ALDH1A1: variants seen among roughly 807,000 people sequenced by gnomAD.
The protein encoded by ALDH1A1 is aldehyde dehydrogenase 1 family member A1, also known as aldehyde dehydrogenase 1A1.
In ALDH1A1, 19 loss-of-function variants were observed where a neutral mutation model predicts 62.1. The observed-to-expected ratio is 0.31, with a 90% CI of 0.21 to 0.45. The LOEUF (loss-of-function observed/expected upper bound fraction) is 0.45. ALDH1A1 is among the 20% of genes least tolerant of loss of function. The pLI, the probability that ALDH1A1 is intolerant of heterozygous loss-of-function variation, is 1.00. For synonymous variants in ALDH1A1, 231 were observed against 215.9 expected, an observed-to-expected ratio of 1.07 and a Z score of -0.61; for missense variants, 521 against 607.1, an observed-to-expected ratio of 0.86 and a Z score of 1.49.
intron 2 of ALDH1A1, among the ~76,000 whole-genome samples, chr9:72,931,618 T>C (rs566620931): frequency 1.3e-5 from 2 of 152,330 alleles, no homozygotes; most frequent in East Asian, 3.9e-4. Context: ...TCCACTTTCA[T>C]GAAGAGCCTA....
At chr9:72,923,887 C>T (rs1226986264) in intron 7 of ALDH1A1, 132 bp downstream of exon 7, 9 of 584,758 alleles carry the variant, frequency 1.5e-5, no homozygotes, top group Non-Finnish European at 2.6e-5. Context: ...TGTTTGAAGG[C>T]TAAAATAAGT....
intron 11 of ALDH1A1, among the ~76,000 whole-genome samples, chr9:72,907,678 G>A (rs149179745): frequency 8.2e-4 from 125 of 152,308 alleles, no homozygotes; most frequent in African/African-American, 2.7e-3. Flanking sequence ...TCTTCTGCAA[G>A]CGTTTCCTCA....
chr9:72,944,913 C>G (rs576339379), intron 1 of ALDH1A1, among the ~76,000 whole-genome samples: 11 of 152,080 alleles, frequency 7.2e-5, no homozygotes, highest in Non-Finnish European at 8.8e-5. Context: ...CAAGTACTTT[C>G]TATATGGGGA....
chr9:72,910,512 C>T (rs376011765), intron 10 of ALDH1A1, among the ~76,000 whole-genome samples: 144 of 152,242 alleles, frequency 9.5e-4, no homozygotes, highest in Middle Eastern at 6.8e-3. Context: ...CTTATTCTAA[C>T]GTAAAGTACT....
intron 4 of ALDH1A1, among the ~76,000 whole-genome samples, chr9:72,927,510 A>G (rs949763449): frequency 2.0e-5 from 3 of 152,124 alleles, no homozygotes; most frequent in South Asian, 2.1e-4. Context: ...AATTAATTCC[A>G]CCTTTCATCT....
chr9:72,916,657 A>G (rs1180754339), intron 9 of ALDH1A1, among the ~76,000 whole-genome samples: 2 of 152,152 alleles, frequency 1.3e-5, no homozygotes, highest in African/African-American at 4.8e-5. Flanking sequence ...CCAAAAATGT[A>G]GAACATTTGT....
At chr9:72,933,312 A>C (rs1230181322) in intron 2 of ALDH1A1, among the ~76,000 whole-genome samples, 2 of 152,200 alleles carry the variant, frequency 1.3e-5, no homozygotes, top group African/African-American at 4.8e-5. Flanking sequence ...GTCCTTTTGG[A>C]ATATTCAATC....
At chr9:72,901,491 A>G (rs1194768373) in intron 12 of ALDH1A1, among the ~76,000 whole-genome samples, 3 of 152,030 alleles carry the variant, frequency 2.0e-5, no homozygotes, top group Non-Finnish European at 4.4e-5. Flanking sequence ...TTTCTTTAAA[A>G]CTTTCATTTT....
chr9:72,902,849 G>A (rs956545911), intron 12 of ALDH1A1, among the ~76,000 whole-genome samples: 2 of 151,820 alleles, frequency 1.3e-5, no homozygotes, highest in East Asian at 1.9e-4. Flanking sequence ...CAAATCACCT[G>A]GGACCTTATT....
intron 2 of ALDH1A1, among the ~76,000 whole-genome samples, chr9:72,939,235 C>T (rs1056225698): frequency 6.6e-6 from 1 of 152,040 alleles, no homozygotes; most frequent in Non-Finnish European, 1.5e-5. Context: ...ATAGTACCTG[C>T]CCTATAGGGT....
intron 12 of ALDH1A1, among the ~76,000 whole-genome samples, chr9:72,902,336 G>A (rs1588127686): frequency 6.6e-6 from 1 of 152,008 alleles, no homozygotes; most frequent in Non-Finnish European, 1.5e-5. Flanking sequence ...TGCACATGTA[G>A]GCTTACAGAA....
intron 2 of ALDH1A1, 89 bp from the exon 3 acceptor site, chr9:72,931,108 G>A: frequency 6.9e-7 from 1 of 1,445,896 alleles, no homozygotes. Flanking sequence ...AGACTGTAGT[G>A]CCTCATAAGC....
intron 12 of ALDH1A1, among the ~76,000 whole-genome samples, 160 bp downstream of exon 12, chr9:72,905,798 T>C (rs111753940): frequency 3.3e-5 from 5 of 152,286 alleles, no homozygotes; most frequent in Non-Finnish European, 4.4e-5. Flanking sequence ...TTTGCACTTA[T>C]GGAGTACATC....
chr9:72,921,240 C>CAA (rs1025687679), intron 7 of ALDH1A1, among the ~76,000 whole-genome samples: 1,051 of 79,006 alleles, frequency 0.013, 18 homozygotes, highest in African/African-American at 0.038. Flanking sequence ...CGACTCCTCT[C>CAA]AAAAAAAAAA....
chr9:72,909,640 G>A lies in ALDH1A1; in HGVS notation c.1320C>T (p.Ala440=). 1 of 1,613,882 alleles carries A rather than the reference G, an allele frequency of 6.2e-7. No homozygotes were observed. The highest frequency in any genetic ancestry group is 8.5e-7 in the Non-Finnish European group (1 of 1,179,908). ...CCTGCAGAGCAGAGGAGATTGTTAT[G>A]GCTTTATCAATGTCTTTGGTAAACA... The part of the protein sequence containing the change: ...AGVFTKDIDK[A]ITISSALQAG... Residue 440 remains alanine, a synonymous_variant, in exon 11 of 13, where the codon GCC becomes GCT. Transcript: ENST00000297785.
chr9:72,931,707 G>A (rs73647852), intron 2 of ALDH1A1, among the ~76,000 whole-genome samples: 2,724 of 152,250 alleles, frequency 0.018, 90 homozygotes, highest in African/African-American at 0.06. Context: ...TTGTGCAGAG[G>A]GAACAGGGCA....
chr9:72,944,653 T>G (rs3909559), intron 1 of ALDH1A1, among the ~76,000 whole-genome samples: 79,651 of 151,870 alleles, frequency 0.52, 21,744 homozygotes, highest in South Asian at 0.6. Flanking sequence ...TAGGCTTGTT[T>G]AATGTTCTAT....
chr9:72,924,031 T>C lies in ALDH1A1; in HGVS notation c.735A>G (p.Thr245=), dbSNP rs1465241841. 1.9e-6 allele frequency: 3 copies of C among 1,604,452 alleles called. No individual in the cohort carries two copies. Among genetic ancestry groups the C allele is most frequent in the Non-Finnish European group, 2.6e-6 (3 of 1,175,798 alleles). The change falls in exon 7 of 13, where the codon ACA becomes ACG. Residue 245 remains threonine (T), a synonymous_variant. Transcript: ENST00000297785. Reference sequence around the variant, plus strand: ...TAAATAATATTACCTCTGTTGATCCTGTGAAGGCTACTTTGTCTATATCCA... The same window carrying C: ...TAAATAATATTACCTCTGTTGATCCCGTGAAGGCTACTTTGTCTATATCCA... ...SHMDIDKVAF[T]GSTEVGKLIK... is the part of the protein sequence containing the mutation.
chr9:72,924,189 G>T, intron 6 of ALDH1A1, 57 bp from the exon 7 acceptor site: 2 of 1,284,954 alleles, frequency 1.6e-6, no homozygotes, highest in South Asian at 1.3e-5. Context: ...AAAAGGAGGA[G>T]AGTAGGGGAT....
Sources: allele counts gnomAD v4.1 joint callset (sites outside exome capture counted in the v4.1 genomes callset), GRCh38; gene constraint gnomAD v4.1.1; transcripts MANE v1.5; gene names NCBI Gene and HGNC (gene_info 2026-07-23, HGNC 2026-07-21).